The following SLMAP variants were observed in gnomAD, a reference collection of about 807,000 sequenced individuals.
The protein encoded by SLMAP is sarcolemma associated protein.
In SLMAP, 44 loss-of-function variants were observed where a neutral mutation model predicts 128.8. That is an observed-to-expected ratio of 0.34 (90% confidence interval 0.27 to 0.44). The LOEUF is 0.44. SLMAP is among the 20% of genes least tolerant of loss of function. SLMAP has a pLI of 1.00. For missense variants in SLMAP, 787 were observed against 985.3 expected (o/e 0.80, Z 2.69); for synonymous variants, 327 against 348.8 (o/e 0.94, Z 0.70).
At chr3:57,838,272 CATCCTCTAGAAACTCATTTATCA>C (rs1327533535) in intron 3 of SLMAP, among the ~76,000 whole-genome samples, 5 of 152,162 alleles carry the variant, frequency 3.3e-5, no homozygotes, top group Non-Finnish European at 7.3e-5. Context: ...CTTGAGGAGC[CATCCTCTAGAAACTCATTTATCA>C]TAAGAGAGAG....
intron 17 of SLMAP, chr3:57,900,345 CTATCTATT>C (rs2096348166): frequency 6.6e-6 from 1 of 152,160 alleles, no homozygotes; most frequent in Non-Finnish European, 1.5e-5. Flanking sequence ...GTAATCATTT[CTATCTATT>C]TAGTTACTTT....
At chr3:57,828,469 T>C (rs1560138679) in intron 2 of SLMAP, among the ~76,000 whole-genome samples, 1 of 152,180 alleles carries the variant, frequency 6.6e-6, no homozygotes, top group Non-Finnish European at 1.5e-5. Context: ...GTGCTGTAGC[T>C]GTATACAAGT....
At position 57,809,653 on chromosome 3, in the gene SLMAP, A is replaced by G. The variant is rs547258233; in HGVS notation, c.199-21730A>G. Reference sequence around the variant, plus strand: ...AAGGCTGGGGGCCAGCCCTACAGACAGAAGCGGGAACTTGTGGTGCCTTTT... The same window carrying G: ...AAGGCTGGGGGCCAGCCCTACAGACGGAAGCGGGAACTTGTGGTGCCTTTT... On this transcript the variant is annotated intron_variant, in intron 2 of 24. Transcript: ENST00000671191. 4.6e-5 allele frequency among the ~76,000 whole-genome samples: 7 copies of G among 152,328 alleles called. 1 individual carries two copies. The South Asian group carries it at 1.5e-3, about 32-fold the overall frequency.
chr3:57,887,332 C>T (rs1261498424), intron 14 of SLMAP, among the ~76,000 whole-genome samples: 1 of 150,764 alleles, frequency 6.6e-6, no homozygotes, highest in Non-Finnish European at 1.5e-5. Context: ...TGGGTTCAAA[C>T]GGTTCTCCTG....
chr3:57,853,973 A>T lies in SLMAP; in HGVS notation c.520-3760A>T, dbSNP rs189463146. On this transcript the variant is annotated intron_variant, in intron 6 of 24. Coordinates refer to ENST00000671191, the MANE Select transcript of SLMAP (RefSeq NM_001377540.1). Reference sequence around the variant, plus strand: ...AAAAAAATTATATATATATATATATATATATATATATATATATATATATAT... The same window carrying T: ...AAAAAAATTATATATATATATATATTTATATATATATATATATATATATAT... Among the ~76,000 whole-genome samples, 842 of 99,528 alleles carry T rather than the reference A, an allele frequency of 8.5e-3. 55 individuals are homozygous for T. The highest frequency in any genetic ancestry group is 0.032 in the African/African-American group (786 of 24,662). The allele number at this position is 99,528 out of a possible 152,430, so 65.3% of individuals were successfully genotyped here. A position where few individuals can be genotyped will look rare whatever the true frequency, so the allele number is the denominator to read the frequency against.
In SLMAP at chr3:57,864,728, A is replaced by T; in HGVS notation, c.1135+12A>T. On this transcript the variant is annotated intron_variant, in intron 11 of 24. Transcript: ENST00000671191. ...AACAGCTTTACAAGGTAAGTAGCTA[A>T]TCCAGAAATTGATTTTATTTTATTT... The T allele has an allele frequency of 6.3e-7, 1 of 1,581,316 alleles. No homozygotes were observed. Among genetic ancestry groups the T allele is most frequent in the South Asian group, 1.2e-5 (1 of 83,972 alleles).
intron 2 of SLMAP, among the ~76,000 whole-genome samples, chr3:57,792,173 T>A (rs1384950749): frequency 6.6e-6 from 1 of 151,148 alleles, no homozygotes; most frequent in Non-Finnish European, 1.5e-5. Flanking sequence ...TTAGTGATAT[T>A]TTTATATGAA....
chr3:57,876,169 C>T (rs930192109), intron 14 of SLMAP, among the ~76,000 whole-genome samples: 2 of 152,146 alleles, frequency 1.3e-5, no homozygotes, highest in Non-Finnish European at 2.9e-5. Context: ...GAAAGCAAAT[C>T]ATTTATTTCC....
At chr3:57,863,981 A>T (rs1292854311) in intron 10 of SLMAP, among the ~76,000 whole-genome samples, 1 of 152,050 alleles carries the variant, frequency 6.6e-6, no homozygotes, top group Non-Finnish European at 1.5e-5. Context: ...TTCCACATTG[A>T]CCCTTTACCT....
chr3:57,869,036 A>AATATATATT (rs1160827116), intron 13 of SLMAP, among the ~76,000 whole-genome samples: 11 of 138,684 alleles, frequency 7.9e-5, no homozygotes, highest in African/African-American at 1.6e-4. Context: ...TTATATATAT[A>AATATATATT]ATATATATTA....
Position 57,757,356 on chromosome 3 carries a change from C to A in SLMAP, c.-296C>A, listed in dbSNP as rs1371345122. ...GTTCCAGGAGTTTTCTTGGCCGAAG[C>A]TGCCCGATGTTTGAGCCTTTTCTTC... On this transcript the variant is annotated 5_prime_UTR_variant, in exon 2 of 25. It adds an upstream start codon to the 5' untranslated region. Coordinates refer to ENST00000671191, the MANE Select transcript of SLMAP (RefSeq NM_001377540.1). The A allele has an allele frequency of 4.3e-6, 2 of 464,734 alleles. No homozygotes were observed. Among genetic ancestry groups the A allele is most frequent in the Non-Finnish European group, 7.9e-6 (2 of 253,384 alleles). 28.8% of individuals were successfully genotyped at this position (464,734 alleles called of 1,614,324 possible).
At chr3:57,758,017 T>C (rs1158962007) in intron 2 of SLMAP, among the ~76,000 whole-genome samples, 168 bp downstream of exon 2, 2 of 152,108 alleles carry the variant, frequency 1.3e-5, no homozygotes, top group Non-Finnish European at 2.9e-5. Flanking sequence ...GGAAATTTGA[T>C]TGAGGTGGTT....
intron 2 of SLMAP, among the ~76,000 whole-genome samples, chr3:57,765,915 A>AT (rs373654036): frequency 4.6e-5 from 7 of 150,552 alleles, no homozygotes; most frequent in Admixed American, 1.3e-4. Context: ...TACTTAAAGC[A>AT]TTTTTTTTCC....
rs1306243181 is a variant in SLMAP at position 57,864,643 on chromosome 3, G to C, written c.1062G>C (p.Gln354His). Reference sequence around the variant, plus strand: ...TAGATGAAATGGAAGAAAAAGAACAGGAGCTCCAGGCAAAAATAGAAGCTT... The same window carrying C: ...TAGATGAAATGGAAGAAAAAGAACACGAGCTCCAGGCAAAAATAGAAGCTT... ...HKIDEMEEKEQELQAKIEALQ... is the reference protein window; with the variant it reads ...HKIDEMEEKEHELQAKIEALQ... Residue 354 changes from glutamine to histidine, a missense_variant, in exon 11 of 25, where the codon CAG becomes CAC. Transcript: ENST00000671191. The C allele has an allele frequency of 2.5e-6, 4 of 1,599,510 alleles. No individual in the cohort carries two copies. The East Asian group carries it at 6.7e-5, about 27-fold the overall frequency.
chr3:57,898,604 T>C (rs2096295014), intron 17 of SLMAP: 1 of 152,262 alleles, frequency 6.6e-6, no homozygotes, highest in South Asian at 2.1e-4. Flanking sequence ...CTATTATTAG[T>C]GCTTTTGTGA....
intron 4 of SLMAP, among the ~76,000 whole-genome samples, chr3:57,844,996 A>G (rs544125291): frequency 1.3e-5 from 2 of 152,282 alleles, no homozygotes; most frequent in East Asian, 1.9e-4. Context: ...CTATATGTGC[A>G]TATCTGCAGA....
chr3:57,842,929 GTGACT>G (rs2094008430), intron 4 of SLMAP, among the ~76,000 whole-genome samples: 1 of 152,140 alleles, frequency 6.6e-6, no homozygotes, highest in Non-Finnish European at 1.5e-5. Flanking sequence ...CACTTGTTCT[GTGACT>G]TGATCAGGCA....
intron 14 of SLMAP, among the ~76,000 whole-genome samples, chr3:57,878,987 T>G (rs1203667209): frequency 6.6e-6 from 1 of 152,214 alleles, no homozygotes; most frequent in African/African-American, 2.4e-5. Flanking sequence ...GGGTTTATCT[T>G]CTGCTTTAGT....
intron 15 of SLMAP, chr3:57,896,170 A>G: frequency 1.1e-6 from 1 of 924,986 alleles, no homozygotes; most frequent in Non-Finnish European, 1.3e-6. Context: ...CAGTGTCTGC[A>G]TTGTCCTGGG....
Sources: gnomAD v4.1 joint callset for allele counts (sites outside exome capture counted in the v4.1 genomes callset) on GRCh38, gnomAD v4.1.1 for gene constraint, MANE v1.5 for transcripts, NCBI Gene and HGNC (gene_info 2026-07-23, HGNC 2026-07-21) for gene names.